The following TAB2 variants were observed in gnomAD, a reference collection of about 807,000 sequenced individuals.
TAB2 encodes TGF-beta-activated kinase 1 and MAP3K7-binding protein 2.
TAB2 carries 3 observed loss-of-function variants against 65.0 expected under a neutral mutation model. That is an observed-to-expected ratio of 0.05 (90% CI 0.02 to 0.12). TAB2 has a LOEUF of 0.12. Ranked by LOEUF, TAB2 falls within the 10% of genes least tolerant of loss-of-function variation. The pLI is 1.00. For synonymous variants in TAB2, 298 were observed against 285.1 expected (o/e 1.05, Z -0.46); for missense variants, 623 against 840.3 (o/e 0.74, Z 3.20).
intron 1 of TAB2, among the ~76,000 whole-genome samples, chr6:149,292,817 C>A (rs1003528044): frequency 3.9e-5 from 6 of 152,090 alleles, no homozygotes; most frequent in African/African-American, 1.2e-4. Context: ...ACCGTATGAC[C>A]AATTTCTTTA....
chr6:149,347,181 A>G (rs1054142169), intron 1 of TAB2: 2 of 152,336 alleles, frequency 1.3e-5, no homozygotes, highest in East Asian at 1.9e-4. Context: ...AAAATGTAGT[A>G]CCTACCACAA....
At chr6:149,362,411 C>T (rs1288206320) in intron 1 of TAB2, among the ~76,000 whole-genome samples, 1 of 152,134 alleles carries the variant, frequency 6.6e-6, no homozygotes, top group Non-Finnish European at 1.5e-5. Flanking sequence ...GGAGGTGCCA[C>T]ACACTTTTGA....
chr6:149,316,585 A>G (rs1238556446), upstream of TAB2, among the ~76,000 whole-genome samples: 1 of 152,220 alleles, frequency 6.6e-6, no homozygotes, highest in East Asian at 1.9e-4. Flanking sequence ...GAATTTTTAA[A>G]TAAATATTTC....
chr6:149,231,191 T>C (rs911657765), intron 1 of TAB2, among the ~76,000 whole-genome samples: 3 of 152,186 alleles, frequency 2.0e-5, no homozygotes, highest in African/African-American at 4.8e-5. Context: ...TTGGGGAACA[T>C]TAGGAAGGGG....
rs546434176 is a variant in TAB2, at chr6:149,252,239, C to T, written c.-121+33463C>T. Among the ~76,000 whole-genome samples the T allele has an allele frequency of 3.3e-5, 5 of 152,124 alleles. No homozygotes were observed. In the East Asian group the frequency reaches 7.7e-4, roughly 24 times the overall value. Reference sequence around the variant, plus strand: ...CTGACCAACATGGAGAAACCCATCTCTACTAAAAATACAAAATTAGCCAGG... The same window carrying T: ...CTGACCAACATGGAGAAACCCATCTTTACTAAAAATACAAAATTAGCCAGG... On this transcript the variant is annotated intron_variant, in intron 1 of 1. Coordinates refer to the TAB2 transcript ENST00000606202.
intron 1 of TAB2, among the ~76,000 whole-genome samples, chr6:149,263,011 C>T (rs555817396): frequency 2.0e-5 from 3 of 152,148 alleles, no homozygotes; most frequent in East Asian, 1.9e-4. Context: ...CACTCTGTTA[C>T]CCAGGCCAGT....
rs917192128 is a variant in TAB2 at position 149,322,975 on chromosome 6, G to A, written c.-90+4960G>A. On this transcript the variant is annotated intron_variant, in intron 1 of 6. Coordinates refer to ENST00000637181, the MANE Select transcript of TAB2 (RefSeq NM_001292034.3). ...TTTCATTTTTAGACTGGAAGATCAC[G>A]AAACAGCACCTCAAGTGCAGAACAT... Among the ~76,000 whole-genome samples the A allele has an allele frequency of 3.3e-5, 5 of 152,136 alleles. 1 individual carries two copies. The South Asian group carries it at 1.0e-3, about 31-fold the overall frequency.
At chr6:149,260,987 A>G (rs936637176) in intron 1 of TAB2, among the ~76,000 whole-genome samples, 1 of 152,226 alleles carries the variant, frequency 6.6e-6, no homozygotes, top group Non-Finnish European at 1.5e-5. Flanking sequence ...TCTGGATTAA[A>G]CATGCATTTA....
chr6:149,366,418 CTCCTT>C (rs1254018222), intron 1 of TAB2, among the ~76,000 whole-genome samples: 1 of 152,082 alleles, frequency 6.6e-6, no homozygotes, highest in Non-Finnish European at 1.5e-5. Flanking sequence ...CTGTGGTTCT[CTCCTT>C]CCTGTGATTT....
chr6:149,407,715 T>C (rs1413556766), intron 6 of TAB2, among the ~76,000 whole-genome samples: 1 of 152,090 alleles, frequency 6.6e-6, no homozygotes, highest in Non-Finnish European at 1.5e-5. Flanking sequence ...TAGACCATTG[T>C]TTGTGATCTA....
intron 3 of TAB2, among the ~76,000 whole-genome samples, chr6:149,394,574 A>G (rs1032567648): frequency 6.6e-6 from 1 of 152,172 alleles, no homozygotes; most frequent in Non-Finnish European, 1.5e-5. Context: ...AAATGAGGAC[A>G]TCTCTTTTTC....
intron 1 of TAB2, among the ~76,000 whole-genome samples, chr6:149,310,179 C>CA (rs1252995901): frequency 1.3e-5 from 2 of 151,784 alleles, no homozygotes; most frequent in African/African-American, 2.4e-5. Flanking sequence ...ACCACAAATA[C>CA]AAAAAAATTA....
intron 3 of TAB2, among the ~76,000 whole-genome samples, chr6:149,397,273 C>T (rs540576424): frequency 6.6e-6 from 1 of 152,098 alleles, no homozygotes; most frequent in Non-Finnish European, 1.5e-5. Context: ...GAAACCTCAT[C>T]TCTACTAAAA....
intron 1 of TAB2, among the ~76,000 whole-genome samples, chr6:149,346,256 CCACGCATG>C (rs763154900): frequency 4.6e-5 from 7 of 151,980 alleles, no homozygotes; most frequent in African/African-American, 7.3e-5. Flanking sequence ...GTGCACACGC[CCACGCATG>C]CACGCATGCA....
At position 149,410,531 on chromosome 6, in the gene TAB2, TAAAAA is replaced by T. The variant is rs1243003699; in HGVS notation, c.*814_*818del. On this transcript the variant is annotated 3_prime_UTR_variant, in exon 7 of 7. Transcript: ENST00000637181. ...ACCTGAGAGGAACAATGCCTTAAAA[TAAAAA>T]AGCATTAATGAGATGAAAGTATGCA... The T allele has an allele frequency of 6.6e-6, 1 of 152,348 alleles. No homozygotes were observed. Among genetic ancestry groups the T allele is most frequent in the Non-Finnish European group, 1.5e-5 (1 of 68,010 alleles). The allele number at this position is 152,348 out of a possible 1,614,324, so 9.4% of individuals were successfully genotyped here. A position where few individuals can be genotyped will look rare whatever the true frequency, so the allele number is the denominator to read the frequency against.
intron 1 of TAB2, chr6:149,221,006 A>G (rs1777134106): frequency 6.6e-6 from 1 of 152,186 alleles, no homozygotes; most frequent in African/African-American, 2.4e-5. Flanking sequence ...TTTCCTTGAG[A>G]TGACAACTTC....
chr6:149,224,314 G>C (rs1412295204), intron 1 of TAB2, among the ~76,000 whole-genome samples: 1 of 152,186 alleles, frequency 6.6e-6, no homozygotes, highest in Admixed American at 6.5e-5. Flanking sequence ...TTGGAAGATA[G>C]CCAAAGCCTC....
At chr6:149,281,252 A>T (rs959024546) in intron 1 of TAB2, among the ~76,000 whole-genome samples, 1 of 152,140 alleles carries the variant, frequency 6.6e-6, no homozygotes. Flanking sequence ...AGAAGTAGAA[A>T]TGGAAGTACA....
chr6:149,357,809 C>T (rs996363433), intron 1 of TAB2, among the ~76,000 whole-genome samples: 2 of 151,928 alleles, frequency 1.3e-5, no homozygotes, highest in African/African-American at 4.8e-5. Flanking sequence ...AAGCGATTCT[C>T]CTGTCTCAGC....
Sources: gnomAD v4.1 joint callset for allele counts (sites outside exome capture counted in the v4.1 genomes callset) on GRCh38, gnomAD v4.1.1 for gene constraint, MANE v1.5 for transcripts, NCBI Gene and HGNC (gene_info 2026-07-23, HGNC 2026-07-21) for gene names.